Variants in FARP1 observed in about 807,000 individuals in gnomAD.
The protein encoded by FARP1 is FERM, ARHGEF and pleckstrin domain-containing protein 1.
In FARP1, 52 loss-of-function variants were observed where a neutral mutation model predicts 128.8. The ratio of observed to expected loss-of-function variants is 0.40; its 90% CI spans 0.32 to 0.51. The LOEUF (loss-of-function observed/expected upper bound fraction) is 0.51. FARP1 is among the 20% of genes least tolerant of loss of function. The pLI is 0.45. For synonymous variants in FARP1, 580 were observed against 551.8 expected (o/e 1.05, Z -0.72); for missense variants, 1,333 against 1,367.9 (o/e 0.97, Z 0.40).
intron 2 of FARP1, among the ~76,000 whole-genome samples, chr13:98,340,130 C>T (rs1440489888): frequency 6.6e-6 from 1 of 151,798 alleles, no homozygotes; most frequent in African/African-American, 2.4e-5. Context: ...TTTTAAGTCT[C>T]ATTTCCCAGA....
At chr13:98,365,534 A>G in intron 4 of FARP1, 97 bp downstream of exon 4, 1 of 802,890 alleles carries the variant, frequency 1.2e-6, no homozygotes, top group Non-Finnish European at 2.0e-6. Context: ...AGCACTAGAA[A>G]CACAAATTCT....
chr13:98,215,305 G>A (rs1261600857), intron 2 of FARP1, among the ~76,000 whole-genome samples: 1 of 152,090 alleles, frequency 6.6e-6, no homozygotes, highest in Non-Finnish European at 1.5e-5. Flanking sequence ...ATAAACTCCT[G>A]TGCATTCTTA....
chr13:98,165,214 CAAAAAAA>C (rs34285712), intron 1 of FARP1, among the ~76,000 whole-genome samples: 2 of 84,766 alleles, frequency 2.4e-5, no homozygotes, highest in Non-Finnish European at 4.4e-5. Context: ...GACTCTGTCT[CAAAAAAA>C]AAAAAAAAAA....
chr13:98,238,530 G>C (rs1200291614), intron 2 of FARP1, among the ~76,000 whole-genome samples: 1 of 152,176 alleles, frequency 6.6e-6, no homozygotes, highest in Non-Finnish European at 1.5e-5. Flanking sequence ...ACATGGGTGG[G>C]GAGGCCTCAC....
chr13:98,237,133 C>T (rs528520857), intron 2 of FARP1, among the ~76,000 whole-genome samples: 8 of 151,726 alleles, frequency 5.3e-5, no homozygotes, highest in Non-Finnish European at 1.2e-4. Flanking sequence ...GGCGAAAACC[C>T]ATCTCTACTA....
At chr13:98,337,615 A>G (rs1386880695) in intron 2 of FARP1, among the ~76,000 whole-genome samples, 1 of 150,678 alleles carries the variant, frequency 6.6e-6, no homozygotes, top group Non-Finnish European at 1.5e-5. Context: ...CTTTAAGAAA[A>G]TACTTTCACT....
chr13:98,375,914 G>A lies in FARP1; in HGVS notation c.399-1907G>A, dbSNP rs1459014985. ...AAAGTGCTGGGAGCCACAGCGTGCG[G>A]CCCCAACAGGTAATTGTAAGAGGGA... On this transcript the variant is annotated intron_variant, in intron 5 of 26. Coordinates refer to ENST00000319562, the MANE Select transcript of FARP1 (RefSeq NM_005766.4). Among the ~76,000 whole-genome samples, 3 of 151,968 alleles carry A rather than the reference G, an allele frequency of 2.0e-5. No homozygotes were observed. The South Asian group carries it at 6.2e-4, about 32-fold the overall frequency.
At chr13:98,362,748 C>G (rs1014882176) in intron 3 of FARP1, among the ~76,000 whole-genome samples, 3 of 152,168 alleles carry the variant, frequency 2.0e-5, no homozygotes, top group African/African-American at 7.2e-5. Flanking sequence ...CCAAGGACAC[C>G]TCAGAAAATT....
chr13:98,346,425 G>A (rs1432414932), intron 3 of FARP1, among the ~76,000 whole-genome samples: 10 of 151,182 alleles, frequency 6.6e-5, no homozygotes, highest in African/African-American at 2.4e-4. Context: ...CCTGACCTCA[G>A]GTGATCCGCC....
intron 4 of FARP1, 57 bp downstream of exon 4, chr13:98,365,494 T>C: frequency 7.9e-7 from 1 of 1,266,190 alleles, no homozygotes; most frequent in East Asian, 2.3e-5. Flanking sequence ...GACAGTTTCA[T>C]GTCTAGACAT....
chr13:98,175,144 G>A (rs1165170742), intron 1 of FARP1, among the ~76,000 whole-genome samples: 1 of 152,194 alleles, frequency 6.6e-6, no homozygotes, highest in Admixed American at 6.5e-5. Context: ...CAGGAAGTAT[G>A]TGAGACATGG....
At chr13:98,143,800 C>G (rs1181480277) in intron 1 of FARP1, among the ~76,000 whole-genome samples, 4 of 151,818 alleles carry the variant, frequency 2.6e-5, no homozygotes, top group African/African-American at 9.7e-5. Context: ...CTCGCCTCCC[C>G]CGACCCCGGC....
intron 2 of FARP1, among the ~76,000 whole-genome samples, chr13:98,314,003 G>A (rs1385015612): frequency 6.6e-6 from 1 of 152,238 alleles, no homozygotes; most frequent in Non-Finnish European, 1.5e-5. Flanking sequence ...GGTTGCCAAG[G>A]CTGCCCAAGC....
intron 2 of FARP1, among the ~76,000 whole-genome samples, chr13:98,305,399 C>T (rs1886101208): frequency 6.6e-6 from 1 of 151,848 alleles, no homozygotes; most frequent in African/African-American, 2.4e-5. Context: ...GTGATCTCAG[C>T]TCACCGCAGC....
chr13:98,232,145 GT>G (rs59209045), intron 2 of FARP1, among the ~76,000 whole-genome samples: 158 of 105,776 alleles, frequency 1.5e-3, no homozygotes, highest in Middle Eastern at 5.8e-3. Flanking sequence ...TGTTTGGTTG[GT>G]TTTTTTTTTT....
intron 16 of FARP1, among the ~76,000 whole-genome samples, chr13:98,423,751 G>A (rs995142184): frequency 6.6e-6 from 1 of 152,188 alleles, no homozygotes; most frequent in African/African-American, 2.4e-5. Flanking sequence ...TTTCTATGAG[G>A]ACTAAAAGGG....
intron 1 of FARP1, among the ~76,000 whole-genome samples, chr13:98,203,015 T>C (rs1880046452): frequency 6.6e-6 from 1 of 152,204 alleles, no homozygotes. Flanking sequence ...ACACTGCCCC[T>C]GGCCCAAATT....
rs1268117036 is a variant in FARP1 at position 98,176,894 on chromosome 13, C to T, written c.-24+33402C>T. The T allele has an allele frequency of 5.6e-6, 9 of 1,606,004 alleles. No individual in the cohort carries two copies. Among genetic ancestry groups the T allele is most frequent in the Non-Finnish European group, 5.1e-6 (6 of 1,179,934 alleles). ...TGGTGCTCCTTCTCGGTGTCCTGCT[C>T]GAAGTCAGCGGTGGCCCCCATGTCC... On this transcript the variant is annotated intron_variant, in intron 1 of 26. Transcript: ENST00000319562. The surrounding 1 kb of genome is among the most constrained non-coding windows in gnomAD (Gnocchi z 6.2).
chr13:98,394,495 G>A (rs376399288), intron 12 of FARP1, among the ~76,000 whole-genome samples: 17 of 152,316 alleles, frequency 1.1e-4, no homozygotes, highest in Admixed American at 5.2e-4. Context: ...GTCTTGTTCC[G>A]TAGAAGCTTT....
Sources: gnomAD v4.1 joint callset for allele counts (sites outside exome capture counted in the v4.1 genomes callset) on GRCh38, gnomAD v4.1.1 for gene constraint, Gnocchi (gnomAD v3.1) non-coding constraint, MANE v1.5 for transcripts, NCBI Gene and HGNC (gene_info 2026-07-23, HGNC 2026-07-21) for gene names.